TSFM: variants seen among roughly 807,000 people sequenced by gnomAD.
TSFM encodes the protein elongation factor Ts, mitochondrial.
Under a neutral mutation model 33.4 loss-of-function variants are expected in TSFM, and 29 were observed. The ratio of observed to expected loss-of-function variants is 0.87; its 90% CI spans 0.65 to 1.18. TSFM has a LOEUF of 1.18. Ranked by LOEUF, TSFM falls within the 50% of genes most tolerant of loss-of-function variation. The pLI is 0.00. For missense variants in TSFM, 394 were observed against 395.6 expected, an observed-to-expected ratio of 1.00 and a Z score of 0.04; for synonymous variants, 178 against 163.5, an observed-to-expected ratio of 1.09 and a Z score of -0.68.
chr12:57,785,781 G>A (rs1411674637), intron 2 of TSFM, among the ~76,000 whole-genome samples: 1 of 152,176 alleles, frequency 6.6e-6, no homozygotes, highest in Admixed American at 6.5e-5. Context: ...CAAACATGTA[G>A]GTAATATGTT....
At chr12:57,783,632 G>A (rs1159942628) in intron 2 of TSFM, 1 of 562,950 alleles carries the variant, frequency 1.8e-6, no homozygotes, top group African/African-American at 1.9e-5. Context: ...CTTGCTCTGT[G>A]GCCCAGGCCG....
downstream of TSFM, chr12:57,802,128 G>C: frequency 6.2e-7 from 1 of 1,609,136 alleles, no homozygotes; most frequent in Non-Finnish European, 8.5e-7. Context: ...TACCTGGCAG[G>C]AAGTTAGAGC....
At chr12:57,784,716 T>TA (rs1372093078) in intron 2 of TSFM, among the ~76,000 whole-genome samples, 4 of 149,674 alleles carry the variant, frequency 2.7e-5, no homozygotes, top group Non-Finnish European at 3.0e-5. Context: ...TCGTCTCTAC[T>TA]AAAAAAAAAT....
At chr12:57,795,101 A>ATG (rs1159182226) in intron 5 of TSFM, among the ~76,000 whole-genome samples, 1 of 129,736 alleles carries the variant, frequency 7.7e-6, no homozygotes, top group East Asian at 2.4e-4. Context: ...ATATATATAT[A>ATG]TAAATTTTTT....
rs1448948081 is a variant in TSFM at position 57,796,812 on chromosome 12, C to G, written c.*229C>G. On this transcript the variant is annotated 3_prime_UTR_variant, in exon 6 of 6. Transcript: ENST00000652027. ...ATTGACGTGATAGTGTCGTGGAGAACAGGCATCAACAATACTGCTGCTCCC... is the reference window on the plus strand; with the variant it reads ...ATTGACGTGATAGTGTCGTGGAGAAGAGGCATCAACAATACTGCTGCTCCC... 4.3e-6 allele frequency: 5 copies of G among 1,173,822 alleles called. No individual in the cohort carries two copies. In the East Asian group the frequency reaches 1.9e-4, roughly 45 times the overall value. 72.7% of individuals were successfully genotyped at this position (1,173,822 alleles called of 1,614,324 possible).
chr12:57,800,043 T>C (rs1452769009), downstream of TSFM: 4 of 1,284,050 alleles, frequency 3.1e-6, no homozygotes, highest in Non-Finnish European at 4.3e-6. Context: ...TAATCATCTT[T>C]GATAACAATG....
At chr12:57,792,489 A>G (rs193234510) in intron 4 of TSFM, among the ~76,000 whole-genome samples, 6 of 152,364 alleles carry the variant, frequency 3.9e-5, no homozygotes, top group Admixed American at 2.0e-4. Context: ...TGGTGCAGTG[A>G]TAGAATAAAA....
chr12:57,801,401 A>G (rs1246113426), downstream of TSFM: 7 of 482,110 alleles, frequency 1.5e-5, no homozygotes, highest in South Asian at 1.6e-4. Flanking sequence ...CATAACGCAC[A>G]TTCTTTGATG....
Position 57,797,233 on chromosome 12 carries a change from C to G in TSFM, c.*650C>G. The G allele has an allele frequency of 1.0e-6, 1 of 985,346 alleles. No homozygotes were observed. The highest frequency in any genetic ancestry group is 1.1e-4 in the East Asian group (1 of 8,812). The allele number at this position is 985,346 out of a possible 1,614,324, so 61.0% of individuals were successfully genotyped here. A position where few individuals can be genotyped will look rare whatever the true frequency, so the allele number is the denominator to read the frequency against. ...TAAGGCAGATTTTGACATTCTTGTG[C>G]CAGAAACAGAAATTAGAGTAGTCCA... On this transcript the variant is annotated 3_prime_UTR_variant, in exon 6 of 6. Transcript: ENST00000652027.
chr12:57,798,951 A>G (rs1323045346), downstream of TSFM, among the ~76,000 whole-genome samples: 2 of 152,212 alleles, frequency 1.3e-5, no homozygotes, highest in Non-Finnish European at 2.9e-5. Flanking sequence ...ATGTTAATTC[A>G]TTCACGCAAA....
downstream of TSFM, chr12:57,801,209 C>T (rs1270253096): frequency 6.2e-7 from 1 of 1,612,942 alleles, no homozygotes; most frequent in Non-Finnish European, 8.5e-7. Flanking sequence ...TATGTTTTTC[C>T]TGCCTGAGAA....
downstream of TSFM, among the ~76,000 whole-genome samples, chr12:57,798,154 T>C (rs909326694): frequency 1.3e-5 from 2 of 152,232 alleles, no homozygotes; most frequent in Non-Finnish European, 2.9e-5. Flanking sequence ...AATTATTCAT[T>C]GGAGAGGTGT....
chr12:57,798,078 G>A, downstream of TSFM: 3 of 966,140 alleles, frequency 3.1e-6, no homozygotes, highest in Non-Finnish European at 4.6e-6. Flanking sequence ...GAGCAAGAGG[G>A]AGTTCTAGGT....
At chr12:57,786,518 C>T (rs2140417447) in intron 3 of TSFM, among the ~76,000 whole-genome samples, 1 of 152,324 alleles carries the variant, frequency 6.6e-6, no homozygotes, top group East Asian at 1.9e-4. Context: ...AATATTACTC[C>T]TGAATGTGAG....
rs1955745507 is a variant in TSFM, at chr12:57,796,681, A to G, written c.*98A>G. ...CCAAACCTCTTCAGACCGAGAATGCATGGGTAAAATTATTAAATAGTTGTA... is the reference window on the plus strand; with the variant it reads ...CCAAACCTCTTCAGACCGAGAATGCGTGGGTAAAATTATTAAATAGTTGTA... On this transcript the variant is annotated 3_prime_UTR_variant, in exon 6 of 6. Coordinates refer to ENST00000652027, the MANE Select transcript of TSFM (RefSeq NM_005726.6). 1.6e-6 allele frequency: 2 copies of G among 1,256,114 alleles called. No homozygotes were observed. Among genetic ancestry groups the G allele is most frequent in the Non-Finnish European group, 2.0e-6 (2 of 993,690 alleles). 77.8% of individuals were successfully genotyped at this position (1,256,114 alleles called of 1,614,324 possible).
At chr12:57,801,317 A>C (rs1041383472), downstream of TSFM, 25 of 866,166 alleles carry the variant, frequency 2.9e-5, no homozygotes, top group Non-Finnish European at 4.2e-5. Flanking sequence ...CCAGGGAGTC[A>C]GAAGACATTT....
intron 2 of TSFM, chr12:57,784,182 G>A (rs1251102171): frequency 1.7e-5 from 12 of 698,916 alleles, no homozygotes; most frequent in Middle Eastern, 2.6e-4. Flanking sequence ...TAAGTATTGT[G>A]TATCTAAACA....
chr12:57,783,882 G>A (rs2140414239), intron 2 of TSFM: 3 of 687,520 alleles, frequency 4.4e-6, no homozygotes, highest in Non-Finnish European at 8.0e-6. Context: ...TCCCAGAGTG[G>A]TGGGATTACA....
At chr12:57,782,893 C>A (rs766847485) in intron 1 of TSFM, 35 bp downstream of exon 1, 1 of 1,566,946 alleles carries the variant, frequency 6.4e-7, no homozygotes, top group East Asian at 2.4e-5. Context: ...GACCTGCTGT[C>A]CCTGCAGCTC....
Sources: allele counts gnomAD v4.1 joint callset (sites outside exome capture counted in the v4.1 genomes callset), GRCh38; gene constraint gnomAD v4.1.1; transcripts MANE v1.5; gene names NCBI Gene and HGNC (gene_info 2026-07-23, HGNC 2026-07-21).